Variants in DENND1A observed in about 807,000 individuals in gnomAD.
DENND1A encodes DENN domain containing 1A.
Under a neutral mutation model 113.7 loss-of-function variants are expected in DENND1A, and 51 were observed. The ratio of observed to expected loss-of-function variants is 0.45; its 90% confidence interval spans 0.36 to 0.57. The LOEUF is 0.57. Among genes scored for constraint, DENND1A ranks in the 20% least tolerant of loss-of-function variants. The probability of loss-of-function intolerance (pLI) is 0.00; values close to 1 mark genes in which losing one functional copy is unlikely to be tolerated. For synonymous variants in DENND1A, 565 were observed against 570.8 expected (o/e 0.99, Z 0.14); for missense variants, 1,258 against 1,395.9 (o/e 0.90, Z 1.57).
chr9:123,599,516 C>G lies in DENND1A; in HGVS notation c.765+9920G>C, dbSNP rs188445964. On this transcript the variant is annotated intron_variant, in intron 11 of 23. Transcript: ENST00000394215. ...GGTGATGGCCTAGTAATGTTCATGG[C>G]ACTTCGGTCATATTATTTCTAATTG... 1.8e-3 allele frequency among the ~76,000 whole-genome samples: 274 copies of G among 152,298 alleles called. 2 individuals are homozygous for G. Among genetic ancestry groups the G allele is most frequent in the African/African-American group, 6.2e-3 (259 of 41,574 alleles).
At chr9:123,570,606 T>A (rs1431150376) in intron 12 of DENND1A, among the ~76,000 whole-genome samples, 1 of 152,236 alleles carries the variant, frequency 6.6e-6, no homozygotes, top group Non-Finnish European at 1.5e-5. Context: ...ATAAAGGTTA[T>A]GTCTTAATCA....
At chr9:123,583,387 A>C in intron 11 of DENND1A, 117 bp from the exon 12 acceptor site, 2 of 691,048 alleles carry the variant, frequency 2.9e-6, no homozygotes, top group Non-Finnish European at 2.5e-6. Context: ...ACAAAGTCTT[A>C]CTCTGCAGCA....
intron 13 of DENND1A, among the ~76,000 whole-genome samples, chr9:123,538,245 T>C (rs2055943704): frequency 1.3e-5 from 2 of 152,192 alleles, no homozygotes; most frequent in South Asian, 4.1e-4. Context: ...ACAAATGTAA[T>C]AGAGAAGAGG....
intron 5 of DENND1A, among the ~76,000 whole-genome samples, chr9:123,730,108 C>T (rs776989524): frequency 2.6e-5 from 4 of 152,118 alleles, no homozygotes; most frequent in African/African-American, 4.8e-5. Flanking sequence ...AAAATTAACT[C>T]GAGATGGATT....
intron 13 of DENND1A, among the ~76,000 whole-genome samples, chr9:123,518,077 A>G (rs2054088977): frequency 6.6e-6 from 1 of 152,190 alleles, no homozygotes; most frequent in Admixed American, 6.5e-5. Flanking sequence ...TATTACAAGA[A>G]GAGAAACTTT....
chr9:123,878,859 A>G, intron 2 of DENND1A, 92 bp downstream of exon 2: 1 of 1,283,858 alleles, frequency 7.8e-7, no homozygotes, highest in Non-Finnish European at 1.1e-6. Flanking sequence ...AAAGACAAAT[A>G]ACAATTTACT....
At position 123,383,900 on chromosome 9, in the gene DENND1A, G is replaced by A. The variant is rs766154847; in HGVS notation, c.1774C>T (p.Arg592Trp). The change falls in exon 23 of 24, where the codon CGG (arginine) becomes TGG (tryptophan). Residue 592 changes from arginine to tryptophan, a missense_variant. Around this residue, in one of 2 missense-constraint regions of DENND1A, gnomAD observed 1,159 missense variants for 1,231.7 expected, o/e 0.94. Transcript: ENST00000394215. ...GCGCTGTCTGACTCCCTGAGTGTCC[G>A]ATACGGCTGCGGCCTGTCGGGGACA... ...SAPFEWPQPY[R>W]TLRESDSAEG... 63 of 1,610,656 alleles carry A rather than the reference G, an allele frequency of 3.9e-5. No homozygotes were observed. The highest frequency in any genetic ancestry group is 5.0e-5 in the Non-Finnish European group (59 of 1,179,634).
intron 15 of DENND1A, among the ~76,000 whole-genome samples, chr9:123,456,655 C>T (rs2048148557): frequency 6.6e-6 from 1 of 152,208 alleles, no homozygotes; most frequent in African/African-American, 2.4e-5. Flanking sequence ...TACTAAAATA[C>T]AAAAATTAGC....
intron 21 of DENND1A, among the ~76,000 whole-genome samples, chr9:123,390,868 G>A (rs1470954193): frequency 6.6e-6 from 1 of 152,226 alleles, no homozygotes; most frequent in Non-Finnish European, 1.5e-5. Context: ...TTGCCTTTCC[G>A]ACACCTATCC....
intron 1 of DENND1A, among the ~76,000 whole-genome samples, chr9:123,894,039 G>A (rs539823075): frequency 6.6e-6 from 1 of 152,120 alleles, no homozygotes; most frequent in African/African-American, 2.4e-5. Context: ...CTGTTATAAG[G>A]CTTCCCAGGT....
chr9:123,529,129 A>T (rs1054441834), intron 13 of DENND1A, among the ~76,000 whole-genome samples: 1 of 152,154 alleles, frequency 6.6e-6, no homozygotes, highest in Non-Finnish European at 1.5e-5. Flanking sequence ...CCAATGCAAT[A>T]TTTTTTTAAA....
intron 18 of DENND1A, among the ~76,000 whole-genome samples, chr9:123,446,536 G>A (rs747669902): frequency 6.6e-6 from 1 of 151,928 alleles, no homozygotes; most frequent in Non-Finnish European, 1.5e-5. Flanking sequence ...AAATCAACAA[G>A]CTCGATTTGT....
chr9:123,553,160 T>C (rs1202451832), intron 13 of DENND1A, among the ~76,000 whole-genome samples: 7 of 152,166 alleles, frequency 4.6e-5, no homozygotes, highest in African/African-American at 1.7e-4. Context: ...GGGAGGCTGA[T>C]GTGGGAGGAT....
At chr9:123,651,976 G>T (rs920768693) in intron 9 of DENND1A, 37 bp downstream of exon 9, 1 of 1,552,480 alleles carries the variant, frequency 6.4e-7, no homozygotes, top group East Asian at 2.3e-5. Flanking sequence ...ATTAAAATTA[G>T]ATCATTAAAA....
In DENND1A at chr9:123,418,351, A is replaced by G. The variant is rs542486742; in HGVS notation, c.1489-6522T>C. 3.3e-5 allele frequency among the ~76,000 whole-genome samples: 5 copies of G among 152,330 alleles called. 1 individual carries two copies. In the South Asian group the frequency reaches 8.3e-4, roughly 25 times the overall value. On this transcript the variant is annotated intron_variant, in intron 19 of 23. Transcript: ENST00000394215. ...TCTCTGCCTGGCCCTCGGCATCTCT[A>G]TCTGTCAGCTGTGTGGGCCAGGTGA... is the stretch of plus-strand genomic sequence containing the variant.
At chr9:123,859,399 T>G (rs75256324) in intron 2 of DENND1A, among the ~76,000 whole-genome samples, 5,376 of 151,458 alleles carry the variant, frequency 0.035, 101 homozygotes, top group Middle Eastern at 0.048. Flanking sequence ...CTACACATTA[T>G]TTCATTATTT....
At chr9:123,599,455 T>C (rs1002776732) in intron 11 of DENND1A, among the ~76,000 whole-genome samples, 2 of 152,232 alleles carry the variant, frequency 1.3e-5, no homozygotes, top group Non-Finnish European at 2.9e-5. Context: ...GAGATGCCTA[T>C]TGGAAATATT....
At chr9:123,581,133 C>T (rs2058871265) in intron 12 of DENND1A, among the ~76,000 whole-genome samples, 1 of 151,970 alleles carries the variant, frequency 6.6e-6, no homozygotes, top group African/African-American at 2.4e-5. Flanking sequence ...GCCTTGGCTC[C>T]TCCTCTCTCT....
At chr9:123,485,657 CACACACA>C (rs1564578625) in intron 13 of DENND1A, 1 of 5,948 alleles carries the variant, frequency 1.7e-4, no homozygotes, top group Non-Finnish European at 2.1e-3. Flanking sequence ...CGCGCGCGCG[CACACACA>C]CACACACACA....
Sources: allele counts gnomAD v4.1 joint callset (sites outside exome capture counted in the v4.1 genomes callset), GRCh38; gene constraint gnomAD v4.1.1; regional missense constraint gnomAD v4.1.1; transcripts MANE v1.5; gene names NCBI Gene and HGNC (gene_info 2026-07-23, HGNC 2026-07-21).